MPDZ: variants seen among roughly 807,000 people sequenced by gnomAD.
MPDZ encodes the protein multiple PDZ domain protein.
Under a neutral mutation model 239.1 loss-of-function variants are expected in MPDZ, and 234 were observed. That is an observed-to-expected ratio of 0.98 (90% CI 0.88 to 1.09). The LOEUF (loss-of-function observed/expected upper bound fraction) is 1.09. Ranked by LOEUF, MPDZ falls within the 50% of genes least tolerant of loss-of-function variation. The pLI is 0.00. For missense variants in MPDZ, 3,175 were observed against 2,510.0 expected (o/e 1.26, Z -5.66); for synonymous variants, 1,048 against 881.3 (o/e 1.19, Z -3.35).
intron 1 of MPDZ, among the ~76,000 whole-genome samples, chr9:13,268,819 T>C (rs1381747160): frequency 6.6e-6 from 1 of 152,216 alleles, no homozygotes; most frequent in African/African-American, 2.4e-5. Flanking sequence ...GAAGGTAATG[T>C]TTCCATGGCC....
At chr9:13,119,998 TG>T in intron 38 of MPDZ, 1 of 231,540 alleles carries the variant, frequency 4.3e-6, no homozygotes, top group South Asian at 6.2e-5. Context: ...CAAAATCTGC[TG>T]TTCTTTCCAA....
intron 10 of MPDZ, among the ~76,000 whole-genome samples, chr9:13,207,968 A>G (rs1226048558): frequency 6.6e-6 from 1 of 152,246 alleles, no homozygotes; most frequent in Admixed American, 6.5e-5. Context: ...ATTCAAAGTC[A>G]TTAATATTCC....
chr9:13,273,659 T>A (rs907419362), intron 1 of MPDZ, among the ~76,000 whole-genome samples: 1 of 152,182 alleles, frequency 6.6e-6, no homozygotes, highest in Non-Finnish European at 1.5e-5. Context: ...ACATATGTAA[T>A]TTTGTCTGTA....
At chr9:13,137,525 G>A (rs1480022771) in intron 29 of MPDZ, among the ~76,000 whole-genome samples, 1 of 152,112 alleles carries the variant, frequency 6.6e-6, no homozygotes, top group African/African-American at 2.4e-5. Context: ...CTGAGTTACT[G>A]CTTGTTCTTT....
intron 22 of MPDZ, among the ~76,000 whole-genome samples, chr9:13,165,138 T>C (rs534123947): frequency 6.6e-6 from 1 of 152,166 alleles, no homozygotes; most frequent in African/African-American, 2.4e-5. Context: ...TTGGAAAATA[T>C]GATTTTCAAA....
intron 35 of MPDZ, 60 bp downstream of exon 35, chr9:13,125,155 AC>A: frequency 7.0e-7 from 1 of 1,431,910 alleles, no homozygotes; most frequent in Non-Finnish European, 9.3e-7. Flanking sequence ...CCAAGCAGAA[AC>A]CCTCTGCTGA....
At chr9:13,109,831 C>A in intron 45 of MPDZ, 121 bp downstream of exon 45, 2 of 763,902 alleles carry the variant, frequency 2.6e-6, no homozygotes, top group Non-Finnish European at 2.2e-6. Context: ...ATTCACACTT[C>A]ATATATCCTA....
At chr9:13,150,143 G>T (rs998470871) in intron 25 of MPDZ, among the ~76,000 whole-genome samples, 2 of 151,738 alleles carry the variant, frequency 1.3e-5, no homozygotes, top group Admixed American at 1.3e-4. Flanking sequence ...TGAGAATTGT[G>T]CTTTGTTCTT....
chr9:13,238,273 A>T (rs1480439402), intron 3 of MPDZ, among the ~76,000 whole-genome samples: 1 of 152,164 alleles, frequency 6.6e-6, no homozygotes, highest in African/African-American at 2.4e-5. Context: ...AGCCATGTGT[A>T]CAGTAAGGAG....
intron 2 of MPDZ, 86 bp from the exon 3 acceptor site, chr9:13,247,887 A>T (rs557734718): frequency 4.7e-6 from 6 of 1,276,800 alleles, no homozygotes; most frequent in Non-Finnish European, 6.4e-6. Context: ...AGAAATTCTA[A>T]AACTATTTCT....
intron 42 of MPDZ, 77 bp from the exon 43 acceptor site, chr9:13,112,223 T>A (rs757738710): frequency 1.4e-5 from 19 of 1,397,062 alleles, no homozygotes; most frequent in East Asian, 2.4e-5. Flanking sequence ...TGGCATGATA[T>A]CTATAGTCAA....
At chr9:13,267,099 T>C (rs915689508) in intron 1 of MPDZ, among the ~76,000 whole-genome samples, 1 of 152,226 alleles carries the variant, frequency 6.6e-6, no homozygotes, top group Non-Finnish European at 1.5e-5. Flanking sequence ...CAATCTATTA[T>C]TTGGGGTTCT....
chr9:13,168,417 G>A lies in MPDZ; in HGVS notation c.3203C>T (p.Ala1068Val). ...TCTTCTCAACATAGCTCGTGCCTGGGCATTGGTTACACTGATGGTAGACTC... is the reference window on the plus strand; with the variant it reads ...TCTTCTCAACATAGCTCGTGCCTGGACATTGGTTACACTGATGGTAGACTC... ...NEESTISVTN[A>V]QARAMLRRHS... is the part of the protein sequence containing the mutation. Residue 1068 changes from alanine to valine, a missense_variant, in exon 22 of 47, where the codon GCC (alanine) becomes GTC (valine). By Grantham distance (64) the Ala-to-Val change is moderately conservative. Coordinates refer to ENST00000319217, the MANE Select transcript of MPDZ (RefSeq NM_001378778.1). The A allele has an allele frequency of 6.2e-7, 1 of 1,613,506 alleles. No homozygotes were observed. Among genetic ancestry groups the A allele is most frequent in the Non-Finnish European group, 8.5e-7 (1 of 1,179,572 alleles).
Position 13,254,748 on chromosome 9 carries a change from T to C in MPDZ, c.-57-4376A>G, listed in dbSNP as rs557682985. ...ATTAAATGTGCAGTAGCATTATGTCTAGGAAAACAATCTATACACCTTTAT... is the reference window on the plus strand; with the variant it reads ...ATTAAATGTGCAGTAGCATTATGTCCAGGAAAACAATCTATACACCTTTAT... On this transcript the variant is annotated intron_variant, in intron 1 of 46. Transcript: ENST00000319217. Among the ~76,000 whole-genome samples the C allele has an allele frequency of 2.0e-5, 3 of 152,314 alleles. No homozygotes were observed. In the East Asian group the frequency reaches 5.8e-4, roughly 29 times the overall value.
chr9:13,206,895 T>A (rs771770673), intron 10 of MPDZ, among the ~76,000 whole-genome samples: 4 of 152,094 alleles, frequency 2.6e-5, no homozygotes, highest in Non-Finnish European at 4.4e-5. Context: ...CTAAGGCTAG[T>A]CTTGAACTCC....
chr9:13,151,416 TAGATA>T (rs1366134881), intron 24 of MPDZ, among the ~76,000 whole-genome samples: 4 of 152,024 alleles, frequency 2.6e-5, no homozygotes, highest in African/African-American at 9.7e-5. Context: ...AAGAAATGAG[TAGATA>T]AAATACTATA....
At chr9:13,157,885 A>G (rs1950015426) in intron 24 of MPDZ, 133 bp downstream of exon 24, 1 of 697,978 alleles carries the variant, frequency 1.4e-6, no homozygotes, top group Non-Finnish European at 2.5e-6. Context: ...TTAAAAAATG[A>G]TGGGTTAGAA....
At chr9:13,201,278 A>G (rs1956355531) in intron 12 of MPDZ, among the ~76,000 whole-genome samples, 1 of 151,580 alleles carries the variant, frequency 6.6e-6, no homozygotes, top group African/African-American at 2.4e-5. Context: ...TTTCTCCATT[A>G]CTTCGCTAGA....
At chr9:13,115,689 T>A (rs1180382559) in intron 39 of MPDZ, among the ~76,000 whole-genome samples, 1 of 152,062 alleles carries the variant, frequency 6.6e-6, no homozygotes, top group Non-Finnish European at 1.5e-5. Context: ...AAAGCGACTG[T>A]AATCCCACCA....
Sources: allele counts gnomAD v4.1 joint callset (sites outside exome capture counted in the v4.1 genomes callset), GRCh38; gene constraint gnomAD v4.1.1; transcripts MANE v1.5; gene names NCBI Gene and HGNC (gene_info 2026-07-23, HGNC 2026-07-21).